SLC8A3: variants seen among roughly 807,000 people sequenced by gnomAD.
SLC8A3 encodes the protein solute carrier family 8 member A3, also known as sodium/calcium exchanger 3.
Under a neutral mutation model 65.4 loss-of-function variants are expected in SLC8A3, and 37 were observed. The ratio of observed to expected loss-of-function variants is 0.57; its 90% CI spans 0.44 to 0.74. The LOEUF (loss-of-function observed/expected upper bound fraction) is 0.74. Ranked by LOEUF, SLC8A3 falls within the 30% of genes least tolerant of loss-of-function variation. The probability of loss-of-function intolerance (pLI) is 0.00; values close to 1 mark genes in which losing one functional copy is unlikely to be tolerated. For synonymous variants in SLC8A3, 461 were observed against 444.5 expected, an observed-to-expected ratio of 1.04 and a Z score of -0.47; for missense variants, 1,112 against 1,172.1, an observed-to-expected ratio of 0.95 and a Z score of 0.75.
intron 2 of SLC8A3, among the ~76,000 whole-genome samples, chr14:70,134,287 T>C (rs978061148): frequency 6.6e-6 from 1 of 152,212 alleles, no homozygotes. Context: ...TAACAAGGAT[T>C]GAGCTTTCCA....
chr14:70,167,631 C>T lies in SLC8A3; in HGVS notation c.792G>A (p.Lys264=). ...RLLFYKYMHK[K]YRTDKHRGII... ...TTCCTCGGTGTTTGTCTGTGCGGTA[C>T]TTTTTGTGCATGTATTTGTAGAAGA... Residue 264 remains lysine (K), a synonymous_variant, in exon 2 of 7, where the codon AAG becomes AAA. Transcript: ENST00000356921. 1 of 1,614,158 alleles carries T rather than the reference C, an allele frequency of 6.2e-7. No homozygotes were observed. Among genetic ancestry groups the T allele is most frequent in the Non-Finnish European group, 8.5e-7 (1 of 1,180,032 alleles).
intron 2 of SLC8A3, among the ~76,000 whole-genome samples, chr14:70,081,997 A>T (rs1891084512): frequency 6.6e-6 from 1 of 152,228 alleles, no homozygotes; most frequent in African/African-American, 2.4e-5. Flanking sequence ...TGCTTTACAT[A>T]CATTTAATCC....
rs146537224 is a variant in SLC8A3 at position 70,162,281 on chromosome 14, A to G, written c.1784+4358T>C. Among the ~76,000 whole-genome samples the G allele has an allele frequency of 4.6e-5, 7 of 152,328 alleles. No individual in the cohort carries two copies. In the East Asian group the frequency reaches 9.6e-4, roughly 21 times the overall value. The stretch of plus-strand genomic sequence containing the variant: ...AGAGAACATTGAATAAGCAGCTTCT[A>G]AAGTCCTTTCAAACCCTCACTTTCT... On this transcript the variant is annotated intron_variant, in intron 2 of 6. Coordinates refer to ENST00000356921, the MANE Select transcript of SLC8A3 (RefSeq NM_182932.3).
chr14:70,117,467 C>T (rs1893746803), intron 2 of SLC8A3, among the ~76,000 whole-genome samples: 1 of 152,238 alleles, frequency 6.6e-6, no homozygotes, highest in South Asian at 2.1e-4. Context: ...CATTAAACCT[C>T]CTTCATGCAA....
intron 2 of SLC8A3, among the ~76,000 whole-genome samples, chr14:70,116,154 T>C (rs1458537817): frequency 6.6e-6 from 1 of 152,132 alleles, no homozygotes; most frequent in East Asian, 1.9e-4. Context: ...TGAACTTGGA[T>C]GTAGCCTGGG....
chr14:70,054,345 G>A (rs1293776437), intron 3 of SLC8A3, among the ~76,000 whole-genome samples: 3 of 152,152 alleles, frequency 2.0e-5, no homozygotes, highest in Non-Finnish European at 4.4e-5. Flanking sequence ...GATTTCCAAC[G>A]AATTGAAAGG....
At chr14:70,182,419 A>G (rs1882831098) in intron 1 of SLC8A3, among the ~76,000 whole-genome samples, 3 of 152,012 alleles carry the variant, frequency 2.0e-5, no homozygotes, top group Non-Finnish European at 4.4e-5. Flanking sequence ...AAAAATTGGG[A>G]GAGAGGAGAG....
chr14:70,160,542 G>T (rs1430935119), intron 2 of SLC8A3, among the ~76,000 whole-genome samples: 1 of 152,164 alleles, frequency 6.6e-6, no homozygotes, highest in Non-Finnish European at 1.5e-5. Context: ...GGTATCCTCG[G>T]AGTAGTTCTG....
At chr14:70,123,174 G>GGTTCA (rs1894202293) in intron 2 of SLC8A3, among the ~76,000 whole-genome samples, 1 of 151,688 alleles carries the variant, frequency 6.6e-6, no homozygotes, top group African/African-American at 2.4e-5. Context: ...GAACCCGGGA[G>GGTTCA]GTGGAGGTTG....
chr14:70,061,430 G>A (rs1329704594), intron 2 of SLC8A3, among the ~76,000 whole-genome samples: 1 of 152,128 alleles, frequency 6.6e-6, no homozygotes, highest in Non-Finnish European at 1.5e-5. Context: ...CCCAGGGCTT[G>A]TGTCCCTTCT....
At chr14:70,093,918 C>T (rs2140073395) in intron 2 of SLC8A3, among the ~76,000 whole-genome samples, 1 of 152,342 alleles carries the variant, frequency 6.6e-6, no homozygotes, top group East Asian at 1.9e-4. Context: ...ATGAACCTGA[C>T]AGGCTGTTCC....
chr14:70,160,507 G>T (rs1896820186), intron 2 of SLC8A3, among the ~76,000 whole-genome samples: 1 of 152,142 alleles, frequency 6.6e-6, no homozygotes, highest in South Asian at 2.1e-4. Context: ...TTTTATACCA[G>T]GTACTTGAGC....
chr14:70,174,970 A>G (rs565889382), intron 1 of SLC8A3, among the ~76,000 whole-genome samples: 3 of 152,192 alleles, frequency 2.0e-5, no homozygotes, highest in East Asian at 1.9e-4. Flanking sequence ...AGATAATATT[A>G]TACTGTTCTT....
intron 2 of SLC8A3, among the ~76,000 whole-genome samples, chr14:70,069,582 C>T (rs1022344356): frequency 6.6e-6 from 1 of 151,994 alleles, no homozygotes; most frequent in African/African-American, 2.4e-5. Flanking sequence ...CTTGTAGTTT[C>T]CTTTATTTTT....
chr14:70,147,791 G>A (rs1018316381), intron 2 of SLC8A3, among the ~76,000 whole-genome samples: 2 of 152,160 alleles, frequency 1.3e-5, no homozygotes, highest in Non-Finnish European at 2.9e-5. Context: ...CACCTTAACT[G>A]CAGCTAAATT....
chr14:70,059,881 C>T (rs1026200814), intron 3 of SLC8A3, among the ~76,000 whole-genome samples: 2 of 152,158 alleles, frequency 1.3e-5, no homozygotes, highest in Non-Finnish European at 2.9e-5. Flanking sequence ...TTCTGGGGCC[C>T]CTGGCTACGG....
At chr14:70,148,402 C>T (rs1285100325) in intron 2 of SLC8A3, among the ~76,000 whole-genome samples, 3 of 152,032 alleles carry the variant, frequency 2.0e-5, no homozygotes, top group Admixed American at 6.6e-5. Context: ...GTTTAGTTGG[C>T]ATGGGAGAGG....
Position 70,166,830 on chromosome 14 carries a change from G to A in SLC8A3, c.1593C>T (p.Ile531=), listed in dbSNP as rs746493264. Residue 531 remains isoleucine, a synonymous_variant, in exon 2 of 7, where the codon ATC becomes ATT. Coordinates refer to ENST00000356921, the MANE Select transcript of SLC8A3 (RefSeq NM_182932.3). The part of the protein sequence containing the change: ...VTILDDDHAG[I]FTFECDTIHV... ...GAATAGTATCACATTCAAAAGTGAA[G>A]ATGCCTGCATGGTCATCATCCAAGA... The A allele has an allele frequency of 6.2e-7, 1 of 1,614,152 alleles. No individual in the cohort carries two copies. Among genetic ancestry groups the A allele is most frequent in the Non-Finnish European group, 8.5e-7 (1 of 1,180,012 alleles).
chr14:70,153,341 G>T (rs1238218705), intron 2 of SLC8A3, among the ~76,000 whole-genome samples: 3 of 152,176 alleles, frequency 2.0e-5, no homozygotes, highest in African/African-American at 7.2e-5. Context: ...CAGCTTGCAT[G>T]GGGATTTACT....
Sources: gnomAD v4.1 joint callset for allele counts (sites outside exome capture counted in the v4.1 genomes callset) on GRCh38, gnomAD v4.1.1 for gene constraint, MANE v1.5 for transcripts, NCBI Gene and HGNC (gene_info 2026-07-23, HGNC 2026-07-21) for gene names.